Variants in CHRNA7 observed in about 807,000 individuals in gnomAD.
CHRNA7 encodes the protein cholinergic receptor nicotinic alpha 7 subunit.
A neutral mutation model predicts 48.0 loss-of-function variants in CHRNA7; 17 were observed. The ratio of observed to expected loss-of-function variants is 0.35; its 90% CI spans 0.24 to 0.53. The LOEUF is 0.53. CHRNA7 is among the 20% of genes least tolerant of loss of function. The pLI, the probability that CHRNA7 is intolerant of heterozygous loss-of-function variation, is 0.92. For missense variants in CHRNA7, 155 were observed against 577.7 expected (o/e 0.27, Z 7.50); for synonymous variants, 75 against 242.3 (o/e 0.31, Z 6.41).
At chr15:32,154,863 CACACCACTCACACACAT>C in intron 5 of CHRNA7, among the ~76,000 whole-genome samples, 1 of 19,524 alleles carries the variant, frequency 5.1e-5, no homozygotes, top group Non-Finnish European at 8.8e-5. Context: ...ACCCCTCACA[CACACCACTCACACACAT>C]CACTCACATA....
chr15:32,035,558 G>C (rs1027066814), intron 2 of CHRNA7, among the ~76,000 whole-genome samples: 2 of 152,164 alleles, frequency 1.3e-5, no homozygotes, highest in African/African-American at 2.4e-5. Flanking sequence ...TGGCAGGCAG[G>C]GCTGTGGAGC....
At chr15:32,091,203 CTT>C (rs1474774139) in intron 2 of CHRNA7, among the ~76,000 whole-genome samples, 1 of 152,240 alleles carries the variant, frequency 6.6e-6, no homozygotes, top group East Asian at 1.9e-4. Context: ...TGATATTTCT[CTT>C]GTCTGTATTT....
chr15:32,083,807 G>T lies in CHRNA7; in HGVS notation c.196-17496G>T, dbSNP rs141611942. Among the ~76,000 whole-genome samples the T allele has an allele frequency of 8.4e-3, 1,277 of 152,254 alleles. 21 individuals are homozygous for T. The highest frequency in any genetic ancestry group is 0.029 in the African/African-American group (1,204 of 41,544). On this transcript the variant is annotated intron_variant, in intron 2 of 9. Coordinates refer to ENST00000306901, the MANE Select transcript of CHRNA7 (RefSeq NM_000746.6). ...ATTTAATCACTTAAATTATGAAAAA[G>T]TTCCAACGCAATTTGGTTCCTGATT...
chr15:32,085,035 G>A (rs1025523155), intron 2 of CHRNA7, among the ~76,000 whole-genome samples: 35 of 152,196 alleles, frequency 2.3e-4, no homozygotes, highest in African/African-American at 8.2e-4. Context: ...GTCTCAGCAT[G>A]TTGGCCAGGC....
At chr15:32,066,284 A>ATT (rs35118714) in intron 2 of CHRNA7, among the ~76,000 whole-genome samples, 12 of 145,636 alleles carry the variant, frequency 8.2e-5, no homozygotes, top group South Asian at 4.4e-4. Context: ...ACATTATAGT[A>ATT]TTTTTTTTTT....
At chr15:32,076,818 C>T (rs188209442) in intron 2 of CHRNA7, among the ~76,000 whole-genome samples, 1 of 152,190 alleles carries the variant, frequency 6.6e-6, no homozygotes. Flanking sequence ...AGTGTTTGTT[C>T]TTGGTGTTGT....
intron 4 of CHRNA7, among the ~76,000 whole-genome samples, chr15:32,145,079 G>A (rs1352984301): frequency 1.3e-5 from 2 of 152,184 alleles, no homozygotes. Context: ...TGATGTTGGT[G>A]ACCTACAGAT....
intron 2 of CHRNA7, among the ~76,000 whole-genome samples, chr15:32,057,222 C>T (rs1438237990): frequency 6.6e-6 from 1 of 152,202 alleles, no homozygotes; most frequent in East Asian, 1.9e-4. Context: ...GAGATAGTCT[C>T]CAGCCAGTGG....
intron 2 of CHRNA7, among the ~76,000 whole-genome samples, chr15:32,074,796 C>T (rs987984333): frequency 1.7e-4 from 26 of 151,744 alleles, no homozygotes; most frequent in Non-Finnish European, 2.6e-4. Context: ...TACAGGCATC[C>T]GCCACCACGC....
chr15:32,061,303 T>C (rs2049874565), intron 2 of CHRNA7, among the ~76,000 whole-genome samples: 2 of 152,146 alleles, frequency 1.3e-5, no homozygotes, highest in Admixed American at 1.3e-4. Context: ...AGGAAAGTCA[T>C]CCAGGCACGT....
At chr15:32,144,912 C>T (rs2051456650) in intron 4 of CHRNA7, among the ~76,000 whole-genome samples, 1 of 152,214 alleles carries the variant, frequency 6.6e-6, no homozygotes, top group Admixed American at 6.5e-5. Context: ...CTGAAACCTA[C>T]TTCTGTCAAC....
intron 4 of CHRNA7, among the ~76,000 whole-genome samples, chr15:32,113,060 G>A (rs544126937): frequency 5.1e-4 from 78 of 152,276 alleles, no homozygotes; most frequent in African/African-American, 1.9e-3. Flanking sequence ...TCTGTTTCTT[G>A]GGGGGCTGTA....
chr15:32,135,510 G>A (rs553037812), intron 4 of CHRNA7, among the ~76,000 whole-genome samples: 10 of 152,244 alleles, frequency 6.6e-5, no homozygotes, highest in African/African-American at 2.4e-4. Flanking sequence ...GAGAACTTCC[G>A]CATCTATCAG....
chr15:32,052,014 TTTCTC>T (rs1165931844), intron 2 of CHRNA7, among the ~76,000 whole-genome samples: 1 of 152,118 alleles, frequency 6.6e-6, no homozygotes, highest in African/African-American at 2.4e-5. Flanking sequence ...ATTTTCCACT[TTTCTC>T]TTAAGTTTGT....
chr15:32,102,517 CGTAA>C (rs2050591173), intron 3 of CHRNA7: 1 of 152,168 alleles, frequency 6.6e-6, no homozygotes, highest in Middle Eastern at 3.4e-3. Flanking sequence ...TCCTTTACAC[CGTAA>C]GTATTAAATT....
intron 2 of CHRNA7, among the ~76,000 whole-genome samples, chr15:32,040,233 C>G (rs1215283538): frequency 6.6e-6 from 1 of 151,958 alleles, no homozygotes; most frequent in Non-Finnish European, 1.5e-5. Context: ...GCATTTAGAC[C>G]ACTCAGAGTG....
intron 4 of CHRNA7, among the ~76,000 whole-genome samples, chr15:32,141,892 C>A (rs1429667144): frequency 1.3e-5 from 2 of 152,164 alleles, no homozygotes; most frequent in Non-Finnish European, 2.9e-5. Context: ...TTCCTCTTTT[C>A]CTATTTGAAT....
intron 2 of CHRNA7, among the ~76,000 whole-genome samples, chr15:32,079,502 A>G (rs1225365001): frequency 6.6e-6 from 1 of 151,620 alleles, no homozygotes. Flanking sequence ...TTTCTATATA[A>G]CAACAGACAG....
chr15:32,086,280 A>G (rs1442143605), intron 2 of CHRNA7, among the ~76,000 whole-genome samples: 4 of 149,270 alleles, frequency 2.7e-5, no homozygotes, highest in Middle Eastern at 3.2e-3. Flanking sequence ...GAAGCAGGAG[A>G]ATGGCGTGAA....
Sources: allele counts gnomAD v4.1 joint callset (sites outside exome capture counted in the v4.1 genomes callset), GRCh38; gene constraint gnomAD v4.1.1; transcripts MANE v1.5; gene names NCBI Gene and HGNC (gene_info 2026-07-23, HGNC 2026-07-21).